NFYB: variants seen among roughly 807,000 people sequenced by gnomAD.
NFYB encodes CAAT box DNA-binding protein subunit B.
Under a neutral mutation model 28.0 loss-of-function variants are expected in NFYB, and 13 were observed. That is an observed-to-expected ratio of 0.46 (90% CI 0.30 to 0.74). The LOEUF is 0.74. Ranked by LOEUF, NFYB falls within the 30% of genes least tolerant of loss-of-function variation. The pLI is 0.07. For missense variants in NFYB, 142 were observed against 247.6 expected (o/e 0.57, Z 2.86); for synonymous variants, 74 against 75.0 (o/e 0.99, Z 0.07).
intron 1 of NFYB, 84 bp from the exon 2 acceptor site, chr12:104,135,616 ATAAAAT>A: frequency 2.0e-6 from 1 of 501,582 alleles, no homozygotes; most frequent in Non-Finnish European, 3.4e-6. Flanking sequence ...TTTTTTTCTC[ATAAAAT>A]TAAAGAGGGC....
chr12:104,128,692 G>T, intron 2 of NFYB, 175 bp from the exon 3 acceptor site: 1 of 329,738 alleles, frequency 3.0e-6, no homozygotes, highest in South Asian at 3.8e-5. Flanking sequence ...TTTGAGACAG[G>T]GTCTTACTCT....
chr12:104,121,348 T>C, intron 5 of NFYB, 27 bp from the exon 6 acceptor site: 1 of 1,561,210 alleles, frequency 6.4e-7, no homozygotes, highest in Non-Finnish European at 8.7e-7. Flanking sequence ...AAAAAGTCAC[T>C]GATATTCAAA....
In NFYB at chr12:104,117,870, A is replaced by T; in HGVS notation, c.*1867T>A. ...AAAATATCTCAAAAATACACTCATA[A>T]CGAAGTATCAAAAGCCTTAAAATTT... On this transcript the variant is annotated 3_prime_UTR_variant, in exon 8 of 8. Coordinates refer to ENST00000240055, the MANE Select transcript of NFYB (RefSeq NM_006166.4). The T allele has an allele frequency of 6.6e-6, 1 of 152,242 alleles. No homozygotes were observed. Among genetic ancestry groups the T allele is most frequent in the Non-Finnish European group, 1.5e-5 (1 of 68,046 alleles). The allele number at this position is 152,242 out of a possible 1,614,324, so 9.4% of individuals were successfully genotyped here.
At chr12:104,129,190 C>T (rs752255075) in intron 2 of NFYB, among the ~76,000 whole-genome samples, 1 of 152,156 alleles carries the variant, frequency 6.6e-6, no homozygotes, top group Non-Finnish European at 1.5e-5. Flanking sequence ...CTTAGTAAAG[C>T]TGTACACAGT....
At chr12:104,124,103 T>C (rs2030589653) in intron 4 of NFYB, among the ~76,000 whole-genome samples, 1 of 152,204 alleles carries the variant, frequency 6.6e-6, no homozygotes, top group Non-Finnish European at 1.5e-5. Flanking sequence ...GTGGGCGACA[T>C]AAGTACCACT....
intron 1 of NFYB, chr12:104,137,411 T>C (rs2031144000): frequency 6.6e-6 from 1 of 152,310 alleles, no homozygotes; most frequent in Non-Finnish European, 1.5e-5. Context: ...AACCGCCAGA[T>C]GGCTGCATTC....
chr12:104,135,645 G>T, intron 1 of NFYB, 113 bp from the exon 2 acceptor site: 1 of 433,118 alleles, frequency 2.3e-6, no homozygotes. Flanking sequence ...GTATAATTTT[G>T]ACTACTATTC....
intron 1 of NFYB, 143 bp from the exon 2 acceptor site, chr12:104,135,675 G>A (rs2136675065): frequency 5.3e-6 from 2 of 378,054 alleles, no homozygotes. Context: ...GGAGTACATG[G>A]TATAAAATAG....
chr12:104,135,866 CAA>C (rs1472897600), intron 1 of NFYB, among the ~76,000 whole-genome samples: 1 of 152,080 alleles, frequency 6.6e-6, no homozygotes, highest in East Asian at 1.9e-4. Flanking sequence ...ATATAATATG[CAA>C]GAGACCAAAA....
chr12:104,119,914 CA>C (rs1421093920), intron 7 of NFYB, 145 bp from the exon 8 acceptor site: 1 of 601,860 alleles, frequency 1.7e-6, no homozygotes, highest in Non-Finnish European at 2.9e-6. Context: ...ATCTCCTATG[CA>C]AATATGAACA....
At chr12:104,126,371 G>C in intron 3 of NFYB, 127 bp from the exon 4 acceptor site, 1 of 647,434 alleles carries the variant, frequency 1.5e-6, no homozygotes. Flanking sequence ...TAGGGATTAG[G>C]ATAGCAAGTC....
At chr12:104,127,440 C>T (rs1317346163) in intron 3 of NFYB, among the ~76,000 whole-genome samples, 1 of 151,734 alleles carries the variant, frequency 6.6e-6, no homozygotes, top group African/African-American at 2.4e-5. Flanking sequence ...TGGTGCTGGG[C>T]GCCTGTGATC....
intron 1 of NFYB, 147 bp downstream of exon 1, chr12:104,137,994 C>G (rs1313528397): frequency 2.7e-5 from 4 of 146,216 alleles, no homozygotes; most frequent in African/African-American, 7.4e-5. Flanking sequence ...GGGGCCCGGC[C>G]TCGGCCCGCG....
At position 104,117,405 on chromosome 12, in the gene NFYB, T is replaced by G. The variant is rs1405884736; in HGVS notation, c.*2332A>C. The G allele has an allele frequency of 6.6e-6, 1 of 152,186 alleles. No individual in the cohort carries two copies. Among genetic ancestry groups the G allele is most frequent in the Non-Finnish European group, 1.5e-5 (1 of 68,044 alleles). 9.4% of individuals were successfully genotyped at this position (152,186 alleles called of 1,614,324 possible). ...GTTGTAGTATATACTAATTTAAAAT[T>G]TACTCAAATTCCTGTTTGTTTGAGA... is the stretch of plus-strand genomic sequence containing the variant. On this transcript the variant is annotated 3_prime_UTR_variant, in exon 8 of 8. Transcript: ENST00000240055.
chr12:104,134,524 C>A (rs1214294896), intron 2 of NFYB, among the ~76,000 whole-genome samples: 1 of 152,134 alleles, frequency 6.6e-6, no homozygotes, highest in African/African-American at 2.4e-5. Flanking sequence ...TATGCTTTCC[C>A]TTTCCTATTT....
At chr12:104,131,651 T>C in intron 2 of NFYB, 4 of 427,902 alleles carry the variant, frequency 9.3e-6, no homozygotes, top group Admixed American at 8.0e-5. Flanking sequence ...ATCCCAAAGG[T>C]TTTTTCTAGG....
At chr12:104,133,301 G>A (rs951410304) in intron 2 of NFYB, among the ~76,000 whole-genome samples, 2 of 152,184 alleles carry the variant, frequency 1.3e-5, no homozygotes, top group Admixed American at 6.5e-5. Flanking sequence ...CAGCATTCCT[G>A]CCTGGTAGTT....
At chr12:104,129,209 C>T (rs1477246780) in intron 2 of NFYB, among the ~76,000 whole-genome samples, 1 of 152,098 alleles carries the variant, frequency 6.6e-6, no homozygotes, top group African/African-American at 2.4e-5. Context: ...GTGTCATGTA[C>T]CTGTAGCCCC....
chr12:104,119,830 G>A (rs1215318578), intron 7 of NFYB, 61 bp from the exon 8 acceptor site: 34 of 1,050,930 alleles, frequency 3.2e-5, no homozygotes, highest in Non-Finnish European at 4.4e-5. Context: ...AGTACCATAT[G>A]CATATTATAA....
Sources: allele counts gnomAD v4.1 joint callset (sites outside exome capture counted in the v4.1 genomes callset), GRCh38; gene constraint gnomAD v4.1.1; transcripts MANE v1.5; gene names NCBI Gene and HGNC (gene_info 2026-07-23, HGNC 2026-07-21).